CHD9: variants seen among roughly 807,000 people sequenced by gnomAD.
CHD9 encodes the protein chromodomain helicase DNA binding protein 9, also known as ATP-dependent chromatin remodeler CHD9.
CHD9 carries 77 observed loss-of-function variants against 316.1 expected under a neutral mutation model. The ratio of observed to expected loss-of-function variants is 0.24; its 90% CI spans 0.20 to 0.29. The LOEUF (loss-of-function observed/expected upper bound fraction) is 0.29, where lower values mean the gene tolerates loss of function less well. CHD9 is among the 10% of genes least tolerant of loss of function. The pLI, the probability that CHD9 is intolerant of heterozygous loss-of-function variation, is 1.00. For synonymous variants in CHD9, 1,129 were observed against 1,158.3 expected (o/e 0.97, Z 0.51); for missense variants, 2,763 against 3,438.1 (o/e 0.80, Z 4.91).
intron 22 of CHD9, among the ~76,000 whole-genome samples, chr16:53,269,489 G>A (rs1461594505): frequency 6.6e-6 from 1 of 152,146 alleles, no homozygotes; most frequent in Non-Finnish European, 1.5e-5. Flanking sequence ...GGTAATTACT[G>A]TGAAGTAAAT....
In CHD9 at chr16:53,229,103, A is replaced by T; in HGVS notation, c.2286+3A>T. The T allele has an allele frequency of 6.7e-7, 1 of 1,496,532 alleles. No individual in the cohort carries two copies. The highest frequency in any genetic ancestry group is 9.1e-7 in the Non-Finnish European group (1 of 1,093,730). 92.7% of individuals were successfully genotyped at this position (1,496,532 alleles called of 1,614,324 possible). A position where few individuals can be genotyped will look rare whatever the true frequency, so the allele number is the denominator to read the frequency against. ...AAAGAGCACATTTTTTTGCAGACGT[A>T]AGAAAAAAATAAATAAGACTATTAT... On this transcript the variant is annotated splice_donor_region_variant and intron_variant, in intron 8 of 38. Coordinates refer to ENST00000447540, the MANE Select transcript of CHD9 (RefSeq NM_001308319.2).
At chr16:53,257,869 C>A (rs909311878) in intron 19 of CHD9, among the ~76,000 whole-genome samples, 4 of 151,960 alleles carry the variant, frequency 2.6e-5, no homozygotes, top group African/African-American at 4.8e-5. Context: ...AGTTTTTTTC[C>A]TGGGAAATCT....
intron 1 of CHD9, among the ~76,000 whole-genome samples, chr16:53,059,201 G>T (rs2152493473): frequency 6.6e-6 from 1 of 152,334 alleles, no homozygotes; most frequent in African/African-American, 2.4e-5. Flanking sequence ...TTGTTCTGGG[G>T]AGAAATCAGT....
chr16:53,207,634 C>T (rs1597433550), intron 2 of CHD9, among the ~76,000 whole-genome samples: 1 of 151,922 alleles, frequency 6.6e-6, no homozygotes, highest in African/African-American at 2.4e-5. Flanking sequence ...CCTCTTTAAC[C>T]CTTTGCTAAT....
At chr16:53,220,068 A>T (rs913573669) in intron 3 of CHD9, among the ~76,000 whole-genome samples, 28 of 152,230 alleles carry the variant, frequency 1.8e-4, no homozygotes, top group Non-Finnish European at 2.9e-5. Context: ...ATTTTAGGAA[A>T]GAAACTAGAG....
chr16:53,177,017 G>A (rs368915108), intron 2 of CHD9, among the ~76,000 whole-genome samples: 4 of 152,104 alleles, frequency 2.6e-5, no homozygotes, highest in Non-Finnish European at 4.4e-5. Flanking sequence ...GTGCAGAGGC[G>A]CCATCTCGGC....
chr16:53,204,578 A>C (rs2152857870), intron 2 of CHD9, among the ~76,000 whole-genome samples: 1 of 152,182 alleles, frequency 6.6e-6, no homozygotes, highest in East Asian at 1.9e-4. Context: ...TTGTTTTTTT[A>C]GTAGTTGTCT....
intron 1 of CHD9, among the ~76,000 whole-genome samples, chr16:53,112,596 A>G (rs924930194): frequency 3.9e-5 from 6 of 152,220 alleles, no homozygotes; most frequent in Non-Finnish European, 8.8e-5. Context: ...TCCTAAGTCA[A>G]TATTTTTAAT....
rs1407297584 is a variant in CHD9, at chr16:53,156,453, A to C, written c.364A>C (p.Ser122Arg). The change falls in exon 2 of 39, where the codon AGT (serine) becomes CGT (arginine). Residue 122 changes from serine (S) to arginine (R), a missense_variant. Physicochemically the swap from Ser to Arg is moderately radical, Grantham distance 110. Transcript: ENST00000447540. ...NGLFPDVSDG[S>R]PMWGHQTATT... is the part of the protein sequence containing the mutation. ...TTTGTTTCCAGATGTATCAGATGGC[A>C]GTCCAATGTGGGGCCATCAGACAGC... 5.0e-6 allele frequency: 8 copies of C among 1,613,894 alleles called. No homozygotes were observed. The highest frequency in any genetic ancestry group is 1.3e-5 in the African/African-American group (1 of 74,934).
rs143149768 is a variant in CHD9, at chr16:53,314,948, G to A, written c.7488G>A (p.Thr2496=). ...CAGTTATTAATCTTAAAGATGGAAC[G>A]AGACTTGCAGGAGATGATGCACCAA... ...PVPVINLKDG[T]RLAGDDAPKR... The change falls in exon 36 of 39, where the codon ACG becomes ACA. Residue 2496 remains threonine (T), a synonymous_variant. Coordinates refer to ENST00000447540, the MANE Select transcript of CHD9 (RefSeq NM_001308319.2). The A allele has an allele frequency of 1.1e-4, 184 of 1,613,792 alleles. No homozygotes were observed. In the African/African-American group the frequency reaches 1.9e-3, roughly 16 times the overall value.
At chr16:53,074,223 G>GGAAGA in intron 1 of CHD9, among the ~76,000 whole-genome samples, 1 of 152,286 alleles carries the variant, frequency 6.6e-6, no homozygotes, top group Admixed American at 6.5e-5. Context: ...ATGATTTAGG[G>GGAAGA]TATCTGGTGG....
At chr16:53,184,585 T>TCCTCCCA in intron 2 of CHD9, among the ~76,000 whole-genome samples, 1 of 152,234 alleles carries the variant, frequency 6.6e-6, no homozygotes, top group Admixed American at 6.5e-5. Flanking sequence ...GCTCAAGTGA[T>TCCTCCCA]CCTCCCACCT....
chr16:53,155,259 G>A (rs1260726204), intron 1 of CHD9, among the ~76,000 whole-genome samples: 1 of 151,386 alleles, frequency 6.6e-6, no homozygotes, highest in Admixed American at 6.6e-5. Flanking sequence ...GTCTCACTCT[G>A]TTGCCCAGGC....
At chr16:53,296,881 A>G in intron 29 of CHD9, 75 bp from the exon 30 acceptor site, 2 of 935,714 alleles carry the variant, frequency 2.1e-6, no homozygotes, top group South Asian at 3.0e-5. Flanking sequence ...AGTTTGTATT[A>G]TAGTCATTAT....
At chr16:53,063,497 G>T (rs2033172178) in intron 1 of CHD9, among the ~76,000 whole-genome samples, 1 of 151,342 alleles carries the variant, frequency 6.6e-6, no homozygotes, top group Non-Finnish European at 1.5e-5. Context: ...ACTGCCCTTT[G>T]GTTGCCATAC....
In CHD9 at chr16:53,156,976, A is replaced by G; in HGVS notation, c.887A>G (p.Asn296Ser). ...CAGTCCTCTGCAGTTCTTGCATCTA[A>G]TCATACAAATCAGACTTTATCTGAT... ...LLQSSAVLAS[N>S]HTNQTLSDFT... Residue 296 changes from asparagine to serine, a missense_variant, in exon 2 of 39, where the codon AAT becomes AGT. Asn to Ser is a conservative substitution (Grantham distance 46). Coordinates refer to ENST00000447540, the MANE Select transcript of CHD9 (RefSeq NM_001308319.2). The G allele has an allele frequency of 6.2e-7, 1 of 1,612,774 alleles. No homozygotes were observed. The highest frequency in any genetic ancestry group is 8.5e-7 in the Non-Finnish European group (1 of 1,179,230).
chr16:53,321,675 G>T, intron 38 of CHD9, 45 bp downstream of exon 38: 1 of 1,002,370 alleles, frequency 1.0e-6, no homozygotes. Flanking sequence ...TTTCAAATTA[G>T]GTGCCATTCA....
Position 53,209,742 on chromosome 16 carries a change from A to C in CHD9, c.1713A>C (p.Lys571Asn). The C allele has an allele frequency of 1.2e-6, 2 of 1,613,656 alleles. No homozygotes were observed. The highest frequency in any genetic ancestry group is 1.7e-6 in the Non-Finnish European group (2 of 1,179,738). Residue 571 changes from lysine (K) to asparagine (N), a missense_variant, in exon 3 of 39, where the codon AAA (lysine) becomes AAC (asparagine). Lys to Asn is a moderately conservative substitution (Grantham distance 94). Around this residue, in one of 15 missense-constraint regions of CHD9, gnomAD observed 859 missense variants for 890.4 expected, o/e 0.96. Transcript: ENST00000447540. ...AGGAAAAGAAAGGTAGAAGGATGAAATCCAAGCCAAAGGACAAAGACAGCA... is the reference window on the plus strand; with the variant it reads ...AGGAAAAGAAAGGTAGAAGGATGAACTCCAAGCCAAAGGACAAAGACAGCA... ...GKEEKKGRRM[K>N]SKPKDKDSKK...
chr16:53,094,205 G>A (rs2036191355), intron 1 of CHD9, among the ~76,000 whole-genome samples: 1 of 152,176 alleles, frequency 6.6e-6, no homozygotes, highest in African/African-American at 2.4e-5. Context: ...ATGGTTTCTG[G>A]TAGTGTGCCT....
Sources: gnomAD v4.1 joint callset for allele counts (sites outside exome capture counted in the v4.1 genomes callset) on GRCh38, gnomAD v4.1.1 for gene constraint, gnomAD v4.1.1 regional missense constraint, MANE v1.5 for transcripts, NCBI Gene and HGNC (gene_info 2026-07-23, HGNC 2026-07-21) for gene names.